Variants in ATAD2B observed in about 807,000 individuals in gnomAD.
The protein encoded by ATAD2B is ATPase family AAA domain containing 2B.
Under a neutral mutation model 167.6 loss-of-function variants are expected in ATAD2B, and 40 were observed. That is an observed-to-expected ratio of 0.24 (90% CI 0.19 to 0.31). The LOEUF is 0.31. ATAD2B is among the 10% of genes least tolerant of loss of function. The pLI is 1.00. For missense variants in ATAD2B, 1,242 were observed against 1,757.2 expected (o/e 0.71, Z 5.24); for synonymous variants, 579 against 596.5 (o/e 0.97, Z 0.43).
chr2:23,684,572 C>G, the ATAD2B span: 1 of 1,512,650 alleles, frequency 6.6e-7, no homozygotes, highest in Non-Finnish European at 8.8e-7. The surrounding 1 kb of genome is among the most constrained non-coding windows in gnomAD (Gnocchi z 4.4). Context: ...CGGGTCTGTT[C>G]CTTTGTAGGA....
the ATAD2B span, among the ~76,000 whole-genome samples, chr2:23,739,865 G>C: frequency 1.3e-3 from 196 of 152,004 alleles, no homozygotes; most frequent in Non-Finnish European, 2.3e-3. Context: ...ATGATAAAGG[G>C]GATATCACCA....
At position 23,782,948 on chromosome 2, in the gene ATAD2B, C is replaced by T; in HGVS notation, c.3054G>A (p.Leu1018=). 6.2e-7 allele frequency: 1 copy of T among 1,606,388 alleles called. No homozygotes were observed. The highest frequency in any genetic ancestry group is 8.5e-7 in the Non-Finnish European group (1 of 1,173,502). ...VITKIDKHNY[L]TAKDFLKDID... is the part of the protein sequence containing the mutation. ...TATCTTTCAGGAAATCCTTTGCAGT[C>T]AGGTAATTATGTTTATCAATTTTAG... The change falls in exon 22 of 28, where the codon CTG becomes CTA. Residue 1018 remains leucine, a synonymous_variant. Coordinates refer to ENST00000238789, the MANE Select transcript of ATAD2B (RefSeq NM_017552.4).
chr2:23,822,000 G>A (rs1284164702), intron 16 of ATAD2B, among the ~76,000 whole-genome samples: 4 of 152,034 alleles, frequency 2.6e-5, no homozygotes, highest in African/African-American at 9.7e-5. Context: ...TATCTCAGGT[G>A]CAAAGTACAA....
chr2:23,870,572 C>T (rs1695807003), intron 8 of ATAD2B, among the ~76,000 whole-genome samples: 2 of 151,272 alleles, frequency 1.3e-5, no homozygotes, highest in African/African-American at 4.9e-5. Flanking sequence ...AGATATAAGC[C>T]ACCGCACAGG....
chr2:23,918,902 C>A (rs1036497939), intron 1 of ATAD2B, among the ~76,000 whole-genome samples: 1 of 152,170 alleles, frequency 6.6e-6, no homozygotes, highest in Non-Finnish European at 1.5e-5. Flanking sequence ...CTATAAAATG[C>A]GAGTATCATC....
At chr2:23,816,827 A>G (rs1572884842) in intron 17 of ATAD2B, among the ~76,000 whole-genome samples, 1 of 152,194 alleles carries the variant, frequency 6.6e-6, no homozygotes, top group East Asian at 1.9e-4. Context: ...ATTTTCCATC[A>G]TAAAGCTTCT....
chr2:23,833,895 C>T lies in ATAD2B; in HGVS notation c.1728+24G>A, dbSNP rs751180708. 2.9e-5 allele frequency: 45 copies of T among 1,562,226 alleles called. No individual in the cohort carries two copies. In the Middle Eastern group the frequency reaches 2.4e-3, roughly 83 times the overall value. Reference sequence around the variant, plus strand: ...TAGTAGAATTACATATAAATGTTAACATATTGAAAACAAAAACTCTTACCT... The same window carrying T: ...TAGTAGAATTACATATAAATGTTAATATATTGAAAACAAAAACTCTTACCT... On this transcript the variant is annotated intron_variant, in intron 14 of 27. Coordinates refer to ENST00000238789, the MANE Select transcript of ATAD2B (RefSeq NM_017552.4).
intron 16 of ATAD2B, among the ~76,000 whole-genome samples, chr2:23,822,468 C>T (rs2149649557): frequency 6.6e-6 from 1 of 151,772 alleles, no homozygotes; most frequent in South Asian, 2.1e-4. Flanking sequence ...CTGCTTGAAC[C>T]TGGGAGGCAG....
intron 13 of ATAD2B, among the ~76,000 whole-genome samples, chr2:23,836,873 T>C (rs550754443): frequency 5.3e-4 from 80 of 152,204 alleles, no homozygotes; most frequent in Non-Finnish European, 9.0e-4. Flanking sequence ...TGCACACCAA[T>C]TGGTCCATGG....
chr2:23,814,516 T>C (rs1686124629), intron 17 of ATAD2B, among the ~76,000 whole-genome samples: 1 of 152,026 alleles, frequency 6.6e-6, no homozygotes, highest in Non-Finnish European at 1.5e-5. Flanking sequence ...ACCCAAAAGA[T>C]TGGAGGTACA....
intron 13 of ATAD2B, among the ~76,000 whole-genome samples, chr2:23,849,868 A>G (rs906508257): frequency 6.6e-6 from 1 of 152,196 alleles, no homozygotes; most frequent in Admixed American, 6.5e-5. Context: ...TAACACTATT[A>G]ATGCCTTGTC....
Position 23,762,227 on chromosome 2 carries a change from A to G in ATAD2B, c.3376T>C (p.Ser1126Pro), listed in dbSNP as rs1277707757. Residue 1126 changes from serine (S) to proline (P), a missense_variant, in exon 24 of 28, where the codon TCT becomes CCT. By Grantham distance (74) the Ser-to-Pro change is moderately conservative. This residue lies in a region of ATAD2B where 204 missense variants were observed against 324.0 expected (regional missense o/e 0.63). Coordinates refer to ENST00000238789, the MANE Select transcript of ATAD2B (RefSeq NM_017552.4). ...TACTCACATGCACATTTATTTGCAG[A>G]GTTGTGCCACACATCCATTGGATTT... ...QRNPMDVWHN[S>P]ANKCAFRVRR... The G allele has an allele frequency of 6.2e-7, 1 of 1,613,598 alleles. No homozygotes were observed.
At chr2:23,835,424 T>C (rs1689765347) in intron 13 of ATAD2B, among the ~76,000 whole-genome samples, 1 of 152,222 alleles carries the variant, frequency 6.6e-6, no homozygotes, top group Non-Finnish European at 1.5e-5. Flanking sequence ...CCACATATTA[T>C]ATGATTCCAT....
intron 1 of ATAD2B, among the ~76,000 whole-genome samples, chr2:23,901,836 T>C (rs1185013828): frequency 1.3e-5 from 2 of 152,118 alleles, no homozygotes; most frequent in South Asian, 4.1e-4. Context: ...CTGCAGGTAC[T>C]AGTTTCCCAA....
the ATAD2B span, among the ~76,000 whole-genome samples, chr2:23,678,518 T>C: frequency 2.6e-5 from 4 of 152,210 alleles, no homozygotes; most frequent in Admixed American, 1.3e-4. Flanking sequence ...AGATGAGACA[T>C]TTAGACCGGC....
chr2:23,740,912 GACAA>G, the ATAD2B span, among the ~76,000 whole-genome samples: 3 of 152,120 alleles, frequency 2.0e-5, no homozygotes, highest in Non-Finnish European at 4.4e-5. Flanking sequence ...ACCAATAACA[GACAA>G]ACAGAGGCCA....
the ATAD2B span, chr2:23,708,687 G>C: frequency 1.1e-4 from 16 of 152,152 alleles, no homozygotes; most frequent in Non-Finnish European, 1.8e-4. Context: ...TACATCAGCT[G>C]TATGGGTTCT....
chr2:23,899,918 C>CTT (rs34685891), intron 1 of ATAD2B, among the ~76,000 whole-genome samples: 276 of 83,592 alleles, frequency 3.3e-3, no homozygotes, highest in East Asian at 0.013. Flanking sequence ...AGTTTTCTTA[C>CTT]TTTTTTTTTT....
chr2:23,839,524 T>C (rs1036449813), intron 13 of ATAD2B, among the ~76,000 whole-genome samples: 1 of 152,120 alleles, frequency 6.6e-6, no homozygotes, highest in Non-Finnish European at 1.5e-5. Context: ...AATATGAAAA[T>C]GTGATAAATT....
Sources: allele counts gnomAD v4.1 joint callset (sites outside exome capture counted in the v4.1 genomes callset), GRCh38; gene constraint gnomAD v4.1.1; regional missense constraint gnomAD v4.1.1; non-coding constraint Gnocchi (gnomAD v3.1); transcripts MANE v1.5; gene names NCBI Gene and HGNC (gene_info 2026-07-23, HGNC 2026-07-21).